SLC35A3: variants seen among roughly 807,000 people sequenced by gnomAD.
The protein encoded by SLC35A3 is UDP-N-acetylglucosamine transporter.
A neutral mutation model predicts 39.0 loss-of-function variants in SLC35A3; 26 were observed. The ratio of observed to expected loss-of-function variants is 0.67; its 90% CI spans 0.49 to 0.92. The LOEUF (loss-of-function observed/expected upper bound fraction) is 0.92, where lower values mean the gene tolerates loss of function less well. Among genes scored for constraint, SLC35A3 ranks in the 40% least tolerant of loss-of-function variants. The pLI is 0.00. For missense variants in SLC35A3, 299 were observed against 371.6 expected (o/e 0.80, Z 1.61); for synonymous variants, 135 against 133.1 (o/e 1.01, Z -0.10).
intron 1 of SLC35A3, among the ~76,000 whole-genome samples, chr1:99,990,830 C>A (rs1453886655): frequency 6.6e-6 from 1 of 152,122 alleles, no homozygotes; most frequent in Non-Finnish European, 1.5e-5. Flanking sequence ...CATGAAAGTG[C>A]AGCCCTCATG....
At chr1:99,977,464 C>T (rs1657178439) in intron 1 of SLC35A3, among the ~76,000 whole-genome samples, 1 of 151,012 alleles carries the variant, frequency 6.6e-6, no homozygotes, top group Non-Finnish European at 1.5e-5. Flanking sequence ...ATCACTTGAA[C>T]TCGGGAGGTA....
chr1:100,008,361 A>G (rs1659389520), intron 4 of SLC35A3: 1 of 152,202 alleles, frequency 6.6e-6, no homozygotes, highest in African/African-American at 2.4e-5. Context: ...CATTGTTTCA[A>G]ACAGTTAGGT....
In SLC35A3 at chr1:99,990,961, C is replaced by T. The variant is rs571797130; in HGVS notation, c.-18-2576C>T. On this transcript the variant is annotated intron_variant, in intron 1 of 7. Transcript: ENST00000533028. Reference sequence around the variant, plus strand: ...GAAGAAGGGCCTCACTAGAACCCAACGATGCCAGCACTCTCATCTTGGACT... The same window carrying T: ...GAAGAAGGGCCTCACTAGAACCCAATGATGCCAGCACTCTCATCTTGGACT... Among the ~76,000 whole-genome samples the T allele has an allele frequency of 3.3e-5, 5 of 152,276 alleles. No individual in the cohort carries two copies. In the East Asian group the frequency reaches 5.8e-4, roughly 18 times the overall value.
At chr1:99,996,689 A>G (rs180715376) in intron 2 of SLC35A3, among the ~76,000 whole-genome samples, 85 of 152,304 alleles carry the variant, frequency 5.6e-4, no homozygotes, top group African/African-American at 2.0e-3. Flanking sequence ...CCTGGGCAAC[A>G]TAGCGAGGCC....
rs1264846979 is a variant in SLC35A3 at position 100,034,526 on chromosome 1, GTTTTTTATAATA to G, written c.*12051_*12062del. ...ATTGATTGAAAAGTTTTCATTTTCT[GTTTTTTATAATA>G]GCCTTGTATGGATTTTTGGTGGCTT... On this transcript the variant is annotated 3_prime_UTR_variant, in exon 8 of 8. Transcript: ENST00000533028. 6.6e-6 allele frequency: 1 copy of G among 152,098 alleles called. No individual in the cohort carries two copies. Among genetic ancestry groups the G allele is most frequent in the Non-Finnish European group, 1.5e-5 (1 of 68,000 alleles). The allele number at this position is 152,098 out of a possible 1,614,324, so 9.4% of individuals were successfully genotyped here.
At chr1:99,980,153 A>G (rs1657373781) in intron 1 of SLC35A3, among the ~76,000 whole-genome samples, 1 of 151,658 alleles carries the variant, frequency 6.6e-6, no homozygotes, top group South Asian at 2.1e-4. Context: ...TTGTGTGATA[A>G]CTGTATTTTT....
rs140962835 is a variant in SLC35A3 at position 100,024,934 on chromosome 1, G to A, written c.*2458G>A. 1.2e-4 allele frequency: 41 copies of A among 335,086 alleles called. No individual in the cohort carries two copies. The highest frequency in any genetic ancestry group is 8.8e-4 in the African/African-American group (41 of 46,748). The allele number at this position is 335,086 out of a possible 1,614,324, so 20.8% of individuals were successfully genotyped here. ...TGGGTACCCTTGCCTAACGTGAACT[G>A]GCAGTGTTACCTTGCTTTTGCAGTA... On this transcript the variant is annotated 3_prime_UTR_variant, in exon 8 of 8. Transcript: ENST00000533028.
At chr1:100,013,047 GATAC>G (rs1317327346) in intron 5 of SLC35A3, among the ~76,000 whole-genome samples, 1 of 152,086 alleles carries the variant, frequency 6.6e-6, no homozygotes, top group East Asian at 1.9e-4. Flanking sequence ...GTTACATGCT[GATAC>G]ATACATATTT....
intron 5 of SLC35A3, among the ~76,000 whole-genome samples, chr1:100,014,677 TG>T (rs1474239476): frequency 1.3e-5 from 2 of 152,232 alleles, no homozygotes; most frequent in African/African-American, 4.8e-5. Flanking sequence ...CATATTCGAA[TG>T]GGCTAGCCAT....
chr1:100,020,500 G>C (rs149160829), intron 7 of SLC35A3, among the ~76,000 whole-genome samples: 106 of 152,258 alleles, frequency 7.0e-4, no homozygotes, highest in Non-Finnish European at 1.4e-3. Context: ...TACATTACAG[G>C]ATGTTTTATG....
intron 7 of SLC35A3, among the ~76,000 whole-genome samples, chr1:100,020,736 G>T (rs1478442320): frequency 6.6e-6 from 1 of 152,156 alleles, no homozygotes; most frequent in Non-Finnish European, 1.5e-5. Context: ...TTATGCTGGG[G>T]TAGTTCTGCC....
rs398122524 is a variant in SLC35A3 at position 100,011,413 on chromosome 1, C to T, written c.514C>T (p.Gln172Ter). ...TTCTAAGGAACTTTCAGCTGGTTCT[C>T]AATTTGTAGGACTCATGGCAGTTCT... is the stretch of plus-strand genomic sequence containing the variant. ...LDSKELSAGS[Q>*]FVGLMAVLTA... The change falls in exon 5 of 8, where the codon CAA becomes TAA. Residue 172 changes from glutamine to a stop codon, truncating the protein, a stop_gained. Coordinates refer to ENST00000533028, the MANE Select transcript of SLC35A3 (RefSeq NM_012243.3). LOFTEE classifies it high-confidence loss of function. 3.8e-6 allele frequency: 6 copies of T among 1,575,736 alleles called. No individual in the cohort carries two copies. Among genetic ancestry groups the T allele is most frequent in the Non-Finnish European group, 2.6e-6 (3 of 1,156,758 alleles).
In SLC35A3 at chr1:100,029,940, T is replaced by C. The variant is rs1661132104; in HGVS notation, c.*7464T>C. On this transcript the variant is annotated 3_prime_UTR_variant, in exon 8 of 8. Coordinates refer to ENST00000533028, the MANE Select transcript of SLC35A3 (RefSeq NM_012243.3). ...TGACAACTTTATAAATGCTGGACTA[T>C]TTTAAACTACAAATTTAAAACATGG... The C allele has an allele frequency of 1.3e-5, 2 of 152,188 alleles. No homozygotes were observed. The highest frequency in any genetic ancestry group is 6.5e-5 in the Admixed American group (1 of 15,276). The allele number at this position is 152,188 out of a possible 1,614,324, so 9.4% of individuals were successfully genotyped here.
rs1170082728 is a variant in SLC35A3 at position 100,029,426 on chromosome 1, ATTTTT to A, written c.*6968_*6972del. ...CAATTCTTCTTTTCAGAGACTTTTAATTTTTTTTTTTTTTTTTTTTTTGAGATGGA... is the reference window on the plus strand; with the variant it reads ...CAATTCTTCTTTTCAGAGACTTTTAATTTTTTTTTTTTTTTTTGAGATGGA... On this transcript the variant is annotated 3_prime_UTR_variant, in exon 8 of 8. Coordinates refer to ENST00000533028, the MANE Select transcript of SLC35A3 (RefSeq NM_012243.3). The A allele has an allele frequency of 8.9e-4, 112 of 125,582 alleles. 1 individual carries two copies. Among genetic ancestry groups the A allele is most frequent in the African/African-American group, 2.6e-3 (80 of 30,934 alleles). The allele number at this position is 125,582 out of a possible 1,614,324, so 7.8% of individuals were successfully genotyped here.
At position 100,024,958 on chromosome 1, in the gene SLC35A3, T is replaced by C. The variant is rs543893459; in HGVS notation, c.*2482T>C. On this transcript the variant is annotated 3_prime_UTR_variant, in exon 8 of 8. Transcript: ENST00000533028. ...TGGCAGTGTTACCTTGCTTTTGCAG[T>C]AATAGTCTACAGATTGCAGGTCTCA... is the stretch of plus-strand genomic sequence containing the variant. 1 of 322,314 alleles carries C rather than the reference T, an allele frequency of 3.1e-6. No individual in the cohort carries two copies. The highest frequency in any genetic ancestry group is 4.8e-5 in the East Asian group (1 of 20,778). 20.0% of individuals were successfully genotyped at this position (322,314 alleles called of 1,614,324 possible). A position where few individuals can be genotyped will look rare whatever the true frequency, so the allele number is the denominator to read the frequency against.
Position 100,029,151 on chromosome 1 carries a change from A to G in SLC35A3, c.*6675A>G, listed in dbSNP as rs1001665475. 2 of 152,124 alleles carry G rather than the reference A, an allele frequency of 1.3e-5. No individual in the cohort carries two copies. The highest frequency in any genetic ancestry group is 4.8e-5 in the African/African-American group (2 of 41,400). 9.4% of individuals were successfully genotyped at this position (152,124 alleles called of 1,614,324 possible). On this transcript the variant is annotated 3_prime_UTR_variant, in exon 8 of 8. Coordinates refer to ENST00000533028, the MANE Select transcript of SLC35A3 (RefSeq NM_012243.3). ...CCCATGTAGTTGTCCTCTCTTTCCA[A>G]CATCTGCCCCTCCCTGGAGATCTGG...
intron 6 of SLC35A3, among the ~76,000 whole-genome samples, chr1:100,017,325 A>G (rs1660221409): frequency 6.6e-6 from 1 of 152,200 alleles, no homozygotes; most frequent in Admixed American, 6.5e-5. Flanking sequence ...ATTTTACTCA[A>G]AAGTAAAAAT....
chr1:100,011,937 C>T (rs1194986819), intron 5 of SLC35A3, among the ~76,000 whole-genome samples: 2 of 151,802 alleles, frequency 1.3e-5, no homozygotes, highest in Non-Finnish European at 2.9e-5. Context: ...ACAGGATGGT[C>T]TCAATTTCTT....
rs148157666 is a variant in SLC35A3 at position 99,991,616 on chromosome 1, A to G, written c.-18-1921A>G. 2.4e-3 allele frequency among the ~76,000 whole-genome samples: 369 copies of G among 152,332 alleles called. 3 individuals are homozygous for G. In the East Asian group the frequency reaches 0.025, roughly 10 times the overall value. On this transcript the variant is annotated intron_variant, in intron 1 of 7. Transcript: ENST00000533028. Reference sequence around the variant, plus strand: ...GTTTGTTTGTTTACCAAAAAAGCCTACAGCGATTTTGTTCAGAATTGAATT... The same window carrying G: ...GTTTGTTTGTTTACCAAAAAAGCCTGCAGCGATTTTGTTCAGAATTGAATT...
Sources: allele counts gnomAD v4.1 joint callset (sites outside exome capture counted in the v4.1 genomes callset), GRCh38; gene constraint gnomAD v4.1.1; transcripts MANE v1.5; gene names NCBI Gene and HGNC (gene_info 2026-07-23, HGNC 2026-07-21).